MACROD2: variants seen among roughly 807,000 people sequenced by gnomAD.
MACROD2 encodes the protein ADP-ribose glycohydrolase MACROD2.
MACROD2 carries 36 observed loss-of-function variants against 70.4 expected under a neutral mutation model. That is an observed-to-expected ratio of 0.51 (90% CI 0.39 to 0.68). The LOEUF (loss-of-function observed/expected upper bound fraction) is 0.68, where lower values mean the gene tolerates loss of function less well. Among genes scored for constraint, MACROD2 ranks in the 30% least tolerant of loss-of-function variants. The pLI is 0.00. For synonymous variants in MACROD2, 172 were observed against 178.8 expected, an observed-to-expected ratio of 0.96 and a Z score of 0.30; for missense variants, 496 against 538.4, an observed-to-expected ratio of 0.92 and a Z score of 0.78.
intron 3 of MACROD2, among the ~76,000 whole-genome samples, chr20:14,447,563 T>A (rs1802971081): frequency 6.6e-6 from 1 of 151,814 alleles, no homozygotes; most frequent in Non-Finnish European, 1.5e-5. Context: ...CAGAGGAGAC[T>A]CTAGGAGTTT....
chr20:14,034,267 T>C (rs2053281783), intron 2 of MACROD2, among the ~76,000 whole-genome samples: 1 of 152,132 alleles, frequency 6.6e-6, no homozygotes, highest in Non-Finnish European at 1.5e-5. Flanking sequence ...AGCCACCGCG[T>C]CCAGCCCCTA....
chr20:14,641,113 A>T (rs576512757), intron 4 of MACROD2, among the ~76,000 whole-genome samples: 4 of 152,196 alleles, frequency 2.6e-5, no homozygotes, highest in Non-Finnish European at 5.9e-5. Context: ...AATATTCTAA[A>T]TCCTTTTTTG....
At chr20:14,615,935 GGT>G (rs1333264133) in intron 4 of MACROD2, among the ~76,000 whole-genome samples, 1 of 152,210 alleles carries the variant, frequency 6.6e-6, no homozygotes, top group African/African-American at 2.4e-5. Context: ...TATGTAAGGT[GGT>G]GTGAGTGGTC....
chr20:14,528,416 A>T (rs1190690291), intron 4 of MACROD2, among the ~76,000 whole-genome samples: 1 of 151,582 alleles, frequency 6.6e-6, no homozygotes, highest in East Asian at 1.9e-4. Flanking sequence ...GGCCTCCCAA[A>T]GTGCTGGGAT....
At chr20:14,729,510 C>T (rs2071568729) in intron 5 of MACROD2, among the ~76,000 whole-genome samples, 1 of 152,058 alleles carries the variant, frequency 6.6e-6, no homozygotes, top group African/African-American at 2.4e-5. Context: ...CTCCTTTGAC[C>T]TGGGCAATTC....
chr20:15,232,293 T>C (rs1438038069), intron 6 of MACROD2, among the ~76,000 whole-genome samples: 1 of 152,080 alleles, frequency 6.6e-6, no homozygotes, highest in Admixed American at 6.5e-5. Context: ...CAATAGATGG[T>C]AGACATGGTT....
chr20:15,330,222 C>T (rs1486350770), intron 6 of MACROD2, among the ~76,000 whole-genome samples: 1 of 152,000 alleles, frequency 6.6e-6, no homozygotes, highest in Non-Finnish European at 1.5e-5. Flanking sequence ...TTGTATGGAG[C>T]CTCCACCATG....
chr20:14,646,571 A>AT (rs918199639), intron 4 of MACROD2, among the ~76,000 whole-genome samples: 5 of 151,518 alleles, frequency 3.3e-5, no homozygotes, highest in Non-Finnish European at 4.4e-5. Flanking sequence ...TAATGGTGGA[A>AT]TTTTTTTTTC....
intron 8 of MACROD2, among the ~76,000 whole-genome samples, chr20:15,544,163 C>T (rs933196916): frequency 1.3e-5 from 2 of 152,138 alleles, no homozygotes; most frequent in South Asian, 2.1e-4. Flanking sequence ...CACCTCACAG[C>T]GTCTAGACTC....
intron 6 of MACROD2, among the ~76,000 whole-genome samples, chr20:15,336,640 C>T (rs1600257770): frequency 6.6e-6 from 1 of 151,364 alleles, no homozygotes; most frequent in African/African-American, 2.5e-5. Flanking sequence ...AAAAGTCTTG[C>T]TCTTCAGAAT....
chr20:14,910,411 C>G (rs1161052136), intron 5 of MACROD2, among the ~76,000 whole-genome samples: 1 of 152,116 alleles, frequency 6.6e-6, no homozygotes, highest in African/African-American at 2.4e-5. Flanking sequence ...TGCAAGGAAA[C>G]TAATTTAAAG....
At chr20:15,248,836 C>T (rs539846398) in intron 6 of MACROD2, among the ~76,000 whole-genome samples, 1 of 152,294 alleles carries the variant, frequency 6.6e-6, no homozygotes, top group African/African-American at 2.4e-5. Flanking sequence ...CCCCCTCCCC[C>T]ACAAGAACTC....
At chr20:15,867,351 A>G (rs917179591) in intron 9 of MACROD2, among the ~76,000 whole-genome samples, 2 of 152,240 alleles carry the variant, frequency 1.3e-5, no homozygotes, top group Non-Finnish European at 2.9e-5. Flanking sequence ...CTCCAGGGAA[A>G]GAAACCAGCA....
chr20:15,347,676 A>G (rs1267398224), intron 6 of MACROD2, among the ~76,000 whole-genome samples: 1 of 152,190 alleles, frequency 6.6e-6, no homozygotes, highest in East Asian at 1.9e-4. Flanking sequence ...ATATAATATG[A>G]TATAATGTAA....
At chr20:14,542,664 A>C (rs1235704944) in intron 4 of MACROD2, among the ~76,000 whole-genome samples, 1 of 152,194 alleles carries the variant, frequency 6.6e-6, no homozygotes, top group Non-Finnish European at 1.5e-5. Context: ...GAAATGTACC[A>C]AAATCAGATG....
chr20:15,276,138 T>C lies in MACROD2; in HGVS notation c.540+46077T>C, dbSNP rs565940409. Among the ~76,000 whole-genome samples, 135 of 152,276 alleles carry C rather than the reference T, an allele frequency of 8.9e-4. 1 individual carries two copies. Among genetic ancestry groups the C allele is most frequent in the African/African-American group, 3.1e-3 (128 of 41,572 alleles). On this transcript the variant is annotated intron_variant, in intron 6 of 17. Coordinates refer to ENST00000684519, the MANE Select transcript of MACROD2 (RefSeq NM_001351661.2). The stretch of plus-strand genomic sequence containing the variant: ...TGATGAGGCTGGTTGCGGTAGCTCA[T>C]GCCTGTAGTCCCAGCACTTTGGGAG...
chr20:15,723,157 G>C (rs976688657), intron 8 of MACROD2, among the ~76,000 whole-genome samples: 2 of 152,102 alleles, frequency 1.3e-5, no homozygotes, highest in Admixed American at 1.3e-4. Flanking sequence ...TAGGCTCACA[G>C]CAAAGGTGAG....
At chr20:15,563,096 C>T (rs2048266193) in intron 8 of MACROD2, among the ~76,000 whole-genome samples, 2 of 152,170 alleles carry the variant, frequency 1.3e-5, no homozygotes, top group Non-Finnish European at 2.9e-5. Context: ...TGCAGCCATG[C>T]ACAAATGCTT....
chr20:15,989,370 C>T (rs112429864), intron 15 of MACROD2, among the ~76,000 whole-genome samples: 14 of 152,216 alleles, frequency 9.2e-5, no homozygotes, highest in African/African-American at 3.1e-4. Context: ...TACATTGCTG[C>T]GTATTTTATT....
Sources: allele counts gnomAD v4.1 joint callset (sites outside exome capture counted in the v4.1 genomes callset), GRCh38; gene constraint gnomAD v4.1.1; transcripts MANE v1.5; gene names NCBI Gene and HGNC (gene_info 2026-07-23, HGNC 2026-07-21).